MACROD2: variants seen among roughly 807,000 people sequenced by gnomAD.
MACROD2 encodes the protein mono-ADP ribosylhydrolase 2.
MACROD2 carries 36 observed loss-of-function variants against 70.4 expected under a neutral mutation model. That is an observed-to-expected ratio of 0.51 (90% CI 0.39 to 0.68). MACROD2 has a LOEUF of 0.68. Ranked by LOEUF, MACROD2 falls within the 30% of genes least tolerant of loss-of-function variation. The probability of loss-of-function intolerance (pLI) is 0.00; values close to 1 mark genes in which losing one functional copy is unlikely to be tolerated. For missense variants in MACROD2, 496 were observed against 538.4 expected, an observed-to-expected ratio of 0.92 and a Z score of 0.78; for synonymous variants, 172 against 178.8, an observed-to-expected ratio of 0.96 and a Z score of 0.30.
At position 14,084,082 on chromosome 20, in the gene MACROD2, C is replaced by CAAA. The variant is rs1289652442; in HGVS notation, c.164-1532_164-1530dup. ...GTCTCAAAAAAAAACAAAAAACAAA[C>CAAA]AAAAAAAAACCTTCCGGGAGAGAAG... On this transcript the variant is annotated intron_variant, in intron 2 of 17. Transcript: ENST00000684519. 3.6e-5 allele frequency among the ~76,000 whole-genome samples: 4 copies of CAAA among 112,598 alleles called. 1 individual carries two copies. The highest frequency in any genetic ancestry group is 1.3e-4 in the African/African-American group (4 of 30,196). 73.9% of individuals were successfully genotyped at this position (112,598 alleles called of 152,430 possible).
chr20:14,334,664 G>A (rs1314763872), intron 3 of MACROD2, among the ~76,000 whole-genome samples: 1 of 150,342 alleles, frequency 6.7e-6, no homozygotes, highest in African/African-American at 2.5e-5. Flanking sequence ...AAGGTGGGGG[G>A]TGGGAGGGAA....
At chr20:14,494,437 A>G (rs2084830521) in intron 4 of MACROD2, among the ~76,000 whole-genome samples, 1 of 152,110 alleles carries the variant, frequency 6.6e-6, no homozygotes, top group Non-Finnish European at 1.5e-5. Context: ...AAAAAACAGA[A>G]TCTTGAAAAT....
At chr20:14,195,941 C>T (rs1275999782) in intron 3 of MACROD2, among the ~76,000 whole-genome samples, 1 of 152,156 alleles carries the variant, frequency 6.6e-6, no homozygotes, top group African/African-American at 2.4e-5. Flanking sequence ...TACGATAAGG[C>T]AGGGGTCTAA....
chr20:15,298,542 A>G (rs1188851735), intron 6 of MACROD2, among the ~76,000 whole-genome samples: 1 of 152,234 alleles, frequency 6.6e-6, no homozygotes, highest in East Asian at 1.9e-4. Flanking sequence ...CTCCAAGGGT[A>G]AAAGAAGTTC....
At chr20:15,278,396 G>A (rs920705817) in intron 6 of MACROD2, among the ~76,000 whole-genome samples, 4 of 152,306 alleles carry the variant, frequency 2.6e-5, no homozygotes, top group African/African-American at 9.6e-5. Flanking sequence ...AGATAGAAAA[G>A]TGAACAGGAT....
chr20:14,325,561 G>A, intron 3 of MACROD2: 1 of 1,608,370 alleles, frequency 6.2e-7, no homozygotes, highest in Non-Finnish European at 8.5e-7. Context: ...TCAGCATCAT[G>A]AGTGTGAGTG....
At chr20:14,620,284 C>T (rs1299918011) in intron 4 of MACROD2, among the ~76,000 whole-genome samples, 1 of 151,974 alleles carries the variant, frequency 6.6e-6, no homozygotes, top group African/African-American at 2.4e-5. Context: ...ATGTTTATGG[C>T]TCTGTCAGTC....
At chr20:15,121,043 G>A (rs889374153) in intron 5 of MACROD2, among the ~76,000 whole-genome samples, 2 of 151,960 alleles carry the variant, frequency 1.3e-5, no homozygotes, top group Non-Finnish European at 2.9e-5. Context: ...TTTCTCCATT[G>A]CCTGCATGTT....
At chr20:15,666,894 TA>T (rs2049905989) in intron 8 of MACROD2, among the ~76,000 whole-genome samples, 1 of 142,888 alleles carries the variant, frequency 7.0e-6, no homozygotes, top group African/African-American at 2.6e-5. Flanking sequence ...CAATTTATTA[TA>T]AAAAATTTCA....
intron 6 of MACROD2, among the ~76,000 whole-genome samples, chr20:15,392,306 A>T (rs1483418113): frequency 6.6e-6 from 1 of 152,136 alleles, no homozygotes; most frequent in East Asian, 1.9e-4. Context: ...TTTTATTATG[A>T]TTGGTTTTCT....
intron 4 of MACROD2, among the ~76,000 whole-genome samples, chr20:14,666,783 T>C (rs2070741120): frequency 6.6e-6 from 1 of 151,892 alleles, no homozygotes; most frequent in Non-Finnish European, 1.5e-5. Context: ...AGTGAATTCT[T>C]TAAAAACTGT....
At chr20:14,493,410 A>T (rs913328297) in intron 3 of MACROD2, 69 bp from the exon 4 acceptor site, 1 of 1,316,934 alleles carries the variant, frequency 7.6e-7, no homozygotes, top group Non-Finnish European at 1.1e-6. Context: ...TTTATCTTGA[A>T]TTACTCTGAT....
chr20:15,443,240 A>C (rs925115893), intron 7 of MACROD2, among the ~76,000 whole-genome samples: 1 of 152,116 alleles, frequency 6.6e-6, no homozygotes, highest in African/African-American at 2.4e-5. Context: ...CATCCTGTGT[A>C]CCTAGGAACT....
At chr20:15,737,372 G>A (rs543972204) in intron 8 of MACROD2, among the ~76,000 whole-genome samples, 1 of 152,290 alleles carries the variant, frequency 6.6e-6, no homozygotes, top group South Asian at 2.1e-4. Context: ...TTCTAAGGCA[G>A]TATTTCTCAA....
chr20:14,921,532 T>G (rs2074163466), intron 5 of MACROD2, among the ~76,000 whole-genome samples: 1 of 152,218 alleles, frequency 6.6e-6, no homozygotes, highest in Admixed American at 6.5e-5. Context: ...TTATCCTTCT[T>G]TGCCTTGGCG....
chr20:14,953,877 T>C (rs928418690), intron 5 of MACROD2, among the ~76,000 whole-genome samples: 2 of 152,150 alleles, frequency 1.3e-5, no homozygotes, highest in South Asian at 2.1e-4. Context: ...ATTTACTGCC[T>C]ACCATGTATC....
intron 5 of MACROD2, among the ~76,000 whole-genome samples, chr20:15,141,044 A>G (rs532707057): frequency 6.6e-6 from 1 of 152,190 alleles, no homozygotes. Flanking sequence ...ATGTGTTTGC[A>G]TAAGGAGTGC....
intron 6 of MACROD2, among the ~76,000 whole-genome samples, chr20:15,346,394 AC>A (rs1222263862): frequency 6.6e-6 from 1 of 152,160 alleles, no homozygotes; most frequent in Non-Finnish European, 1.5e-5. Context: ...CTTCCCAGAG[AC>A]TAGAACTGAG....
At chr20:14,274,026 C>G (rs1314569359) in intron 3 of MACROD2, among the ~76,000 whole-genome samples, 2 of 152,066 alleles carry the variant, frequency 1.3e-5, no homozygotes, top group Non-Finnish European at 2.9e-5. Context: ...CAAAAAGAGT[C>G]CAGGACCAGA....
Sources: gnomAD v4.1 joint callset for allele counts (sites outside exome capture counted in the v4.1 genomes callset) on GRCh38, gnomAD v4.1.1 for gene constraint, MANE v1.5 for transcripts, NCBI Gene and HGNC (gene_info 2026-07-23, HGNC 2026-07-21) for gene names.